The following UTP23 variants were observed in gnomAD, a reference collection of about 807,000 sequenced individuals.
UTP23 encodes the protein rRNA-processing protein UTP23 homolog.
In UTP23, 10 loss-of-function variants were observed where a neutral mutation model predicts 19.8. The observed-to-expected ratio is 0.50, with a 90% CI of 0.31 to 0.86. The LOEUF (loss-of-function observed/expected upper bound fraction) is 0.86. UTP23 is among the 40% of genes least tolerant of loss of function. The pLI, the probability that UTP23 is intolerant of heterozygous loss-of-function variation, is 0.05. For missense variants in UTP23, 282 were observed against 293.1 expected, an observed-to-expected ratio of 0.96 and a Z score of 0.28; for synonymous variants, 108 against 105.4, an observed-to-expected ratio of 1.02 and a Z score of -0.15.
At position 116,771,028 on chromosome 8, in the gene UTP23, A is replaced by G. The variant is rs574852859; in HGVS notation, c.364-428A>G. On this transcript the variant is annotated intron_variant, in intron 2 of 2. Transcript: ENST00000309822. Reference sequence around the variant, plus strand: ...GGTGATATTAAGTTCACATACATACAGATTTGATTATCAGAATTATAAAAT... The same window carrying G: ...GGTGATATTAAGTTCACATACATACGGATTTGATTATCAGAATTATAAAAT... Among the ~76,000 whole-genome samples, 212 of 152,318 alleles carry G rather than the reference A, an allele frequency of 1.4e-3. 1 individual carries two copies. The highest frequency in any genetic ancestry group is 4.9e-3 in the African/African-American group (202 of 41,554).
intron 1 of UTP23, among the ~76,000 whole-genome samples, chr8:116,767,434 A>G (rs545575114): frequency 4.5e-4 from 68 of 152,342 alleles, no homozygotes; most frequent in Admixed American, 1.6e-3. Flanking sequence ...AGTAAAGTGC[A>G]TAAGTCAGTC....
chr8:116,770,071 G>C lies in UTP23; in HGVS notation c.189-121G>C, dbSNP rs537384853. On this transcript the variant is annotated intron_variant, in intron 1 of 2. Transcript: ENST00000309822. ...TTTCAAGTGATCTTTTAAAGTAAATGGTTACCAGATGACAAATTTAGATTG... is the reference window on the plus strand; with the variant it reads ...TTTCAAGTGATCTTTTAAAGTAAATCGTTACCAGATGACAAATTTAGATTG... 3.2e-6 allele frequency: 3 copies of C among 944,000 alleles called. No homozygotes were observed. The African/African-American group carries it at 4.9e-5, about 16-fold the overall frequency. The allele number at this position is 944,000 out of a possible 1,614,324, so 58.5% of individuals were successfully genotyped here. A position where few individuals can be genotyped will look rare whatever the true frequency, so the allele number is the denominator to read the frequency against.
Position 116,773,425 on chromosome 8 carries a change from C to T in UTP23, c.*1583C>T. 5.1e-6 allele frequency: 5 copies of T among 976,820 alleles called. No individual in the cohort carries two copies. Among genetic ancestry groups the T allele is most frequent in the Non-Finnish European group, 4.9e-6 (4 of 822,154 alleles). 60.5% of individuals were successfully genotyped at this position (976,820 alleles called of 1,614,324 possible). A position where few individuals can be genotyped will look rare whatever the true frequency, so the allele number is the denominator to read the frequency against. ...TACTTAGTCAGTGCTATCTGATTAC[C>T]TGTTAATAGCATCTGAACTGGAGAG... On this transcript the variant is annotated 3_prime_UTR_variant, in exon 3 of 3. Transcript: ENST00000309822.
chr8:116,773,176 T>C lies in UTP23; in HGVS notation c.*1334T>C, dbSNP rs190770383. ...TGTTTGGATTGCAATGTCATGATTC[T>C]ATTTTAAATTCTTGATGGTAGAAAC... On this transcript the variant is annotated 3_prime_UTR_variant, in exon 3 of 3. Transcript: ENST00000309822. The C allele has an allele frequency of 2.2e-3, 2,210 of 985,462 alleles. 1 individual carries two copies. Among genetic ancestry groups the C allele is most frequent in the Non-Finnish European group, 2.5e-3 (2,084 of 829,938 alleles). The allele number at this position is 985,462 out of a possible 1,614,324, so 61.0% of individuals were successfully genotyped here.
At chr8:116,770,393 A>C (rs971882426) in intron 2 of UTP23, 27 bp downstream of exon 2, 1 of 1,570,484 alleles carries the variant, frequency 6.4e-7, no homozygotes, top group Non-Finnish European at 8.7e-7. Flanking sequence ...AACCACAGGC[A>C]ATTTTCACCA....
In UTP23 at chr8:116,770,266, T is replaced by G; in HGVS notation, c.263T>G (p.Val88Gly). The G allele has an allele frequency of 6.2e-7, 1 of 1,614,088 alleles. No individual in the cohort carries two copies. The highest frequency in any genetic ancestry group is 1.3e-5 in the African/African-American group (1 of 75,058). ...AAACTGATTGCACAAAAATGCCAAG[T>G]TCGAAATTGTCCTCATTTCAAGAAT... is the stretch of plus-strand genomic sequence containing the variant. ...GAKLIAQKCQVRNCPHFKNAV... is the reference protein window; with the variant it reads ...GAKLIAQKCQGRNCPHFKNAV... The change falls in exon 2 of 3, where the codon GTT becomes GGT. Residue 88 changes from valine to glycine, a missense_variant. Physicochemically the swap from Val to Gly is moderately radical, Grantham distance 109. Coordinates refer to ENST00000309822, the MANE Select transcript of UTP23 (RefSeq NM_032334.3).
intron 2 of UTP23, 53 bp downstream of exon 2, chr8:116,770,419 C>T: frequency 2.0e-6 from 3 of 1,505,690 alleles, no homozygotes; most frequent in African/African-American, 1.4e-5. Context: ...ATTTATACTT[C>T]ATATGGAGCT....
intron 2 of UTP23, 90 bp downstream of exon 2, chr8:116,770,456 G>T: frequency 1.6e-6 from 2 of 1,268,148 alleles, no homozygotes; most frequent in South Asian, 4.2e-5. Flanking sequence ...AAGTTAGAAT[G>T]ATTAGACTTT....
At chr8:116,768,265 T>C (rs1815610614) in intron 1 of UTP23, among the ~76,000 whole-genome samples, 1 of 152,244 alleles carries the variant, frequency 6.6e-6, no homozygotes. Context: ...TCTTTGCTCC[T>C]GAATTGATTG....
At position 116,772,305 on chromosome 8, in the gene UTP23, A is replaced by G; in HGVS notation, c.*463A>G. 4.1e-6 allele frequency: 4 copies of G among 985,602 alleles called. No individual in the cohort carries two copies. Among genetic ancestry groups the G allele is most frequent in the Non-Finnish European group, 3.6e-6 (3 of 830,046 alleles). The allele number at this position is 985,602 out of a possible 1,614,324, so 61.1% of individuals were successfully genotyped here. ...CCTCTCTGGTCCCATTCCCACCTTC[A>G]AACATTATATGCAAACAGTTTTAAA... On this transcript the variant is annotated 3_prime_UTR_variant, in exon 3 of 3. Transcript: ENST00000309822.
At chr8:116,770,079 G>C in intron 1 of UTP23, 113 bp from the exon 2 acceptor site, 1 of 1,043,358 alleles carries the variant, frequency 9.6e-7, no homozygotes, top group Non-Finnish European at 1.3e-6. Context: ...ATGGTTACCA[G>C]ATGACAAATT....
chr8:116,770,433 T>C (rs1815636652), intron 2 of UTP23, 67 bp downstream of exon 2: 1 of 1,431,592 alleles, frequency 7.0e-7, no homozygotes. Context: ...TGGAGCTATT[T>C]ATAATCAGAA....
In UTP23 at chr8:116,773,509, T is replaced by C. The variant is rs560073668; in HGVS notation, c.*1667T>C. ...TATAGAAGTACTAAAAATTACAATG[T>C]ATTAGTAAGTTTAATATTTTGACAG... is the stretch of plus-strand genomic sequence containing the variant. On this transcript the variant is annotated 3_prime_UTR_variant, in exon 3 of 3. Coordinates refer to ENST00000309822, the MANE Select transcript of UTP23 (RefSeq NM_032334.3). 48 of 984,056 alleles carry C rather than the reference T, an allele frequency of 4.9e-5. No homozygotes were observed. In the Middle Eastern group the frequency reaches 2.1e-3, roughly 43 times the overall value. The allele number at this position is 984,056 out of a possible 1,614,324, so 61.0% of individuals were successfully genotyped here.
chr8:116,766,829 C>G (rs750015779), intron 1 of UTP23, 38 bp downstream of exon 1: 335 of 1,475,622 alleles, frequency 2.3e-4, no homozygotes, highest in Non-Finnish European at 1.4e-5. Context: ...ACAGAGGGTC[C>G]GTCGGGTGTT....
At position 116,772,701 on chromosome 8, in the gene UTP23, A is replaced by G; in HGVS notation, c.*859A>G. On this transcript the variant is annotated 3_prime_UTR_variant, in exon 3 of 3. Transcript: ENST00000309822. ...ACTTCAATAGCAAGAATTCAAAAAT[A>G]ATATTCTCTTTGAGATTGACTGTGA... 1 of 985,168 alleles carries G rather than the reference A, an allele frequency of 1.0e-6. No individual in the cohort carries two copies. Among genetic ancestry groups the G allele is most frequent in the African/African-American group, 1.7e-5 (1 of 57,356 alleles). The allele number at this position is 985,168 out of a possible 1,614,324, so 61.0% of individuals were successfully genotyped here.
rs1815699994 is a variant in UTP23, at chr8:116,774,589, A to G, written c.*2747A>G. 2 of 616,184 alleles carry G rather than the reference A, an allele frequency of 3.2e-6. No homozygotes were observed. The highest frequency in any genetic ancestry group is 7.3e-5 in the South Asian group (1 of 13,636). The allele number at this position is 616,184 out of a possible 1,614,324, so 38.2% of individuals were successfully genotyped here. On this transcript the variant is annotated 3_prime_UTR_variant, in exon 3 of 3. Transcript: ENST00000309822. ...TATATATACATAGTCTATATATTCTATATAAGAATATATTCCAATAAGAAT... is the reference window on the plus strand; with the variant it reads ...TATATATACATAGTCTATATATTCTGTATAAGAATATATTCCAATAAGAAT...
At position 116,771,918 on chromosome 8, in the gene UTP23, C is replaced by A; in HGVS notation, c.*76C>A. 6.8e-7 allele frequency: 1 copy of A among 1,473,692 alleles called. No individual in the cohort carries two copies. Among genetic ancestry groups the A allele is most frequent in the Non-Finnish European group, 8.9e-7 (1 of 1,122,562 alleles). The allele number at this position is 1,473,692 out of a possible 1,614,324, so 91.3% of individuals were successfully genotyped here. ...AACTAGAAGTATTTATAATAAAAGA[C>A]CAAACTTATTTTTGTAAATGAACCC... On this transcript the variant is annotated 3_prime_UTR_variant, in exon 3 of 3. Transcript: ENST00000309822.
chr8:116,774,177 C>T lies in UTP23; in HGVS notation c.*2335C>T, dbSNP rs762640452. The stretch of plus-strand genomic sequence containing the variant: ...TTTGCCAATCTGAAAAGGGGTGTTT[C>T]TGAAGACCACTATCTTTTACGAACA... On this transcript the variant is annotated 3_prime_UTR_variant, in exon 3 of 3. Coordinates refer to ENST00000309822, the MANE Select transcript of UTP23 (RefSeq NM_032334.3). The T allele has an allele frequency of 1.1e-5, 11 of 985,248 alleles. No individual in the cohort carries two copies. The highest frequency in any genetic ancestry group is 3.5e-5 in the African/African-American group (2 of 57,198). 61.0% of individuals were successfully genotyped at this position (985,248 alleles called of 1,614,324 possible).
chr8:116,769,213 A>C (rs1275473218), intron 1 of UTP23, among the ~76,000 whole-genome samples: 1 of 152,174 alleles, frequency 6.6e-6, no homozygotes, highest in Non-Finnish European at 1.5e-5. Flanking sequence ...TAAATTGGAG[A>C]AACAAGAGAG....
Sources: allele counts gnomAD v4.1 joint callset (sites outside exome capture counted in the v4.1 genomes callset), GRCh38; gene constraint gnomAD v4.1.1; transcripts MANE v1.5; gene names NCBI Gene and HGNC (gene_info 2026-07-23, HGNC 2026-07-21).